The following GALNT10 variants were observed in gnomAD, a reference collection of about 807,000 sequenced individuals.
GALNT10 encodes polypeptide N-acetylgalactosaminyltransferase 10.
A neutral mutation model predicts 75.0 loss-of-function variants in GALNT10; 41 were observed. The observed-to-expected ratio is 0.55, with a 90% CI of 0.43 to 0.71. The LOEUF (loss-of-function observed/expected upper bound fraction) is 0.71. GALNT10 is among the 30% of genes least tolerant of loss of function. The pLI is 0.00. For missense variants in GALNT10, 727 were observed against 818.5 expected (o/e 0.89, Z 1.36); for synonymous variants, 302 against 313.0 (o/e 0.96, Z 0.37).
chr5:154,293,603 A>G (rs1156487048), intron 1 of GALNT10, among the ~76,000 whole-genome samples: 2 of 121,272 alleles, frequency 1.6e-5, no homozygotes, highest in African/African-American at 6.7e-5. Context: ...TGATATATAT[A>G]TATATATATA....
chr5:154,318,923 G>A (rs951239993), intron 3 of GALNT10, among the ~76,000 whole-genome samples: 4 of 152,232 alleles, frequency 2.6e-5, no homozygotes, highest in African/African-American at 9.6e-5. Flanking sequence ...TAGTGAAAGT[G>A]CTTTTGCAAC....
At chr5:154,305,322 A>T (rs1217081708) in intron 3 of GALNT10, among the ~76,000 whole-genome samples, 1 of 151,980 alleles carries the variant, frequency 6.6e-6, no homozygotes, top group Non-Finnish European at 1.5e-5. Flanking sequence ...GAAGAAGAAG[A>T]AATAGAAACT....
intron 1 of GALNT10, among the ~76,000 whole-genome samples, chr5:154,237,523 G>A (rs889167474): frequency 5.9e-5 from 9 of 152,230 alleles, no homozygotes; most frequent in Admixed American, 2.6e-4. Flanking sequence ...GTCCTGACTC[G>A]GCTATCTCTG....
intron 1 of GALNT10, among the ~76,000 whole-genome samples, chr5:154,234,260 C>T (rs182583761): frequency 1.8e-4 from 27 of 152,300 alleles, no homozygotes; most frequent in African/African-American, 6.5e-4. Context: ...AAAGCATCAA[C>T]ATCAGATCCC....
chr5:154,273,744 G>A (rs1333997591), intron 1 of GALNT10, among the ~76,000 whole-genome samples: 2 of 152,164 alleles, frequency 1.3e-5, no homozygotes, highest in African/African-American at 4.8e-5. Flanking sequence ...TTTTATAATT[G>A]CAAATCAAAT....
chr5:154,330,908 GGTGT>G (rs370103391), intron 4 of GALNT10, among the ~76,000 whole-genome samples: 5,175 of 126,002 alleles, frequency 0.041, 224 homozygotes, highest in African/African-American at 0.11. Context: ...AGACAGAGAG[GGTGT>G]GTGTGTGTGT....
intron 7 of GALNT10, among the ~76,000 whole-genome samples, chr5:154,398,461 G>A (rs1756091254): frequency 6.6e-6 from 1 of 152,200 alleles, no homozygotes; most frequent in African/African-American, 2.4e-5. Flanking sequence ...TGGGTGAGAG[G>A]ACAGTGCTCT....
intron 4 of GALNT10, among the ~76,000 whole-genome samples, chr5:154,341,737 A>G (rs1755035215): frequency 6.6e-6 from 1 of 152,154 alleles, no homozygotes; most frequent in South Asian, 2.1e-4. Flanking sequence ...GAAGGAATGA[A>G]AATGACCTGT....
At chr5:154,299,744 T>C (rs1201110363) in intron 3 of GALNT10, among the ~76,000 whole-genome samples, 1 of 152,178 alleles carries the variant, frequency 6.6e-6, no homozygotes, top group Non-Finnish European at 1.5e-5. Context: ...CAAAGATGCC[T>C]GACAGCGAGG....
intron 3 of GALNT10, among the ~76,000 whole-genome samples, chr5:154,312,516 A>G (rs1451337784): frequency 6.6e-6 from 1 of 152,240 alleles, no homozygotes; most frequent in East Asian, 1.9e-4. Context: ...TGGTTGTACT[A>G]TTGTGTTTTA....
chr5:154,293,653 C>A (rs1439615573), intron 1 of GALNT10, among the ~76,000 whole-genome samples: 1 of 147,228 alleles, frequency 6.8e-6, no homozygotes, highest in African/African-American at 2.6e-5. Flanking sequence ...CTTCTTCATA[C>A]ATTCCATGCC....
chr5:154,209,556 T>A (rs1175562129), intron 1 of GALNT10, among the ~76,000 whole-genome samples: 1 of 152,204 alleles, frequency 6.6e-6, no homozygotes, highest in African/African-American at 2.4e-5. Flanking sequence ...ATGGTCAGGT[T>A]CTTGCGGAGG....
chr5:154,386,166 A>T, intron 6 of GALNT10, 147 bp from the exon 7 acceptor site: 1 of 633,186 alleles, frequency 1.6e-6, no homozygotes, highest in African/African-American at 1.9e-5. Flanking sequence ...GATGCCTGGA[A>T]GGGCCTTGGA....
rs762402678 is a variant in GALNT10 at position 154,412,225 on chromosome 5, G to A, written c.1387-664G>A. Reference sequence around the variant, plus strand: ...TAAGGTTGGAACTACATGATGTGACGCTATGCACCTAGCACAATGGCCTGC... The same window carrying A: ...TAAGGTTGGAACTACATGATGTGACACTATGCACCTAGCACAATGGCCTGC... On this transcript the variant is annotated intron_variant, in intron 9 of 11. Transcript: ENST00000297107. This position sits in a 1 kb window ranked among gnomAD's most constrained non-coding sequence, Gnocchi z 4.2. Among the ~76,000 whole-genome samples, 4 of 152,206 alleles carry A rather than the reference G, an allele frequency of 2.6e-5. No homozygotes were observed. The highest frequency in any genetic ancestry group is 2.1e-4 in the South Asian group (1 of 4,828).
At chr5:154,328,580 C>A (rs1169382766) in intron 3 of GALNT10, among the ~76,000 whole-genome samples, 3 of 152,226 alleles carry the variant, frequency 2.0e-5, no homozygotes, top group Non-Finnish European at 4.4e-5. Context: ...GCCTGGTGTC[C>A]TGTGATTCAA....
intron 4 of GALNT10, among the ~76,000 whole-genome samples, chr5:154,361,682 A>T (rs1755390694): frequency 6.6e-6 from 1 of 152,260 alleles, no homozygotes. Context: ...GAAAGCCTTA[A>T]CAGACCATAG....
At chr5:154,242,366 G>A (rs183988646) in intron 1 of GALNT10, among the ~76,000 whole-genome samples, 301 of 152,180 alleles carry the variant, frequency 2.0e-3, no homozygotes, top group African/African-American at 6.8e-3. Context: ...GCATTTTAAG[G>A]TTTCTAGGGT....
intron 1 of GALNT10, among the ~76,000 whole-genome samples, chr5:154,273,588 T>G (rs1352760664): frequency 6.6e-6 from 1 of 152,138 alleles, no homozygotes; most frequent in African/African-American, 2.4e-5. Flanking sequence ...GCTCAGTTTG[T>G]TTATTAAAAA....
At chr5:154,391,761 A>T (rs1004784129) in intron 7 of GALNT10, among the ~76,000 whole-genome samples, 1 of 152,210 alleles carries the variant, frequency 6.6e-6, no homozygotes, top group Non-Finnish European at 1.5e-5. Context: ...GGACTCAGTC[A>T]TCTCACTCGG....
Sources: allele counts gnomAD v4.1 joint callset (sites outside exome capture counted in the v4.1 genomes callset), GRCh38; gene constraint gnomAD v4.1.1; non-coding constraint Gnocchi (gnomAD v3.1); transcripts MANE v1.5; gene names NCBI Gene and HGNC (gene_info 2026-07-23, HGNC 2026-07-21).